Variants in RAB11FIP4 observed in about 807,000 individuals in gnomAD.
The protein encoded by RAB11FIP4 is rab11 family-interacting protein 4.
In RAB11FIP4, 23 loss-of-function variants were observed where a neutral mutation model predicts 74.3. The observed-to-expected ratio is 0.31, with a 90% CI of 0.22 to 0.44. The LOEUF (loss-of-function observed/expected upper bound fraction) is 0.44, where lower values mean the gene tolerates loss of function less well. RAB11FIP4 is among the 20% of genes least tolerant of loss of function. RAB11FIP4 has a pLI of 1.00. For synonymous variants in RAB11FIP4, 360 were observed against 359.9 expected (o/e 1.00, Z 0.00); for missense variants, 630 against 863.9 (o/e 0.73, Z 3.39).
intron 3 of RAB11FIP4, among the ~76,000 whole-genome samples, chr17:31,493,175 TA>T (rs2072044279): frequency 6.6e-6 from 1 of 152,074 alleles, no homozygotes; most frequent in Non-Finnish European, 1.5e-5. Context: ...GTCACATTTT[TA>T]ATTGATCTAA....
chr17:31,505,863 G>A (rs2072338882), intron 3 of RAB11FIP4, among the ~76,000 whole-genome samples: 1 of 147,706 alleles, frequency 6.8e-6, no homozygotes, highest in Non-Finnish European at 1.5e-5. Flanking sequence ...GCACCACCTG[G>A]CTATTCTTTT....
chr17:31,437,128 A>G (rs2071366475), intron 3 of RAB11FIP4, among the ~76,000 whole-genome samples: 1 of 152,170 alleles, frequency 6.6e-6, no homozygotes, highest in Admixed American at 6.5e-5. Flanking sequence ...TTGGTTGGCC[A>G]GAGCCTAGTG....
intron 3 of RAB11FIP4, among the ~76,000 whole-genome samples, chr17:31,477,215 C>A (rs2071802224): frequency 6.6e-6 from 1 of 152,250 alleles, no homozygotes; most frequent in Non-Finnish European, 1.5e-5. Context: ...CCAGAACAGA[C>A]TCAGAGTCGT....
chr17:31,511,358 T>C (rs1045815354), intron 3 of RAB11FIP4, among the ~76,000 whole-genome samples: 6 of 152,210 alleles, frequency 3.9e-5, no homozygotes, highest in Admixed American at 2.0e-4. Flanking sequence ...TCCCTCCCCG[T>C]GTTTACATCA....
Position 31,532,039 on chromosome 17 carries a change from C to T in RAB11FIP4, c.*307C>T. Reference sequence around the variant, plus strand: ...TCAGGAGTTACTGTAAAAACAAGAACTGGAAGCTCGTGTTTCCGGTACTGG... The same window carrying T: ...TCAGGAGTTACTGTAAAAACAAGAATTGGAAGCTCGTGTTTCCGGTACTGG... On this transcript the variant is annotated 3_prime_UTR_variant, in exon 15 of 15. Coordinates refer to ENST00000621161, the MANE Select transcript of RAB11FIP4 (RefSeq NM_032932.6). The T allele has an allele frequency of 3.4e-6, 1 of 292,474 alleles. No individual in the cohort carries two copies. Among genetic ancestry groups the T allele is most frequent in the African/African-American group, 2.1e-5 (1 of 47,080 alleles). 18.1% of individuals were successfully genotyped at this position (292,474 alleles called of 1,614,324 possible). A position where few individuals can be genotyped will look rare whatever the true frequency, so the allele number is the denominator to read the frequency against.
rs532252698 is a variant in RAB11FIP4, at chr17:31,520,687, C to T, written c.564-479C>T. ...CACGCCCGGCTAATTTTTTGTATTT[C>T]TAGTAGAGTTGGGGTTTCACCATGT... On this transcript the variant is annotated intron_variant, in intron 4 of 14. Transcript: ENST00000621161. 3.1e-3 allele frequency among the ~76,000 whole-genome samples: 467 copies of T among 152,060 alleles called. 2 individuals carry two copies. Among genetic ancestry groups the T allele is most frequent in the Middle Eastern group, 0.014 (4 of 294 alleles).
At chr17:31,527,399 T>C (rs1409943270) in intron 10 of RAB11FIP4, 1 of 155,734 alleles carries the variant, frequency 6.4e-6, no homozygotes, top group Non-Finnish European at 1.4e-5. Context: ...CAGGAGTTTT[T>C]GAGACCAGCC....
At chr17:31,395,982 C>G (rs731758) in intron 1 of RAB11FIP4, among the ~76,000 whole-genome samples, 91,487 of 151,534 alleles carry the variant, frequency 0.6, 27,878 homozygotes, top group Middle Eastern at 0.64. Context: ...AGGAGTTCCA[C>G]ACCAGCCTGG....
intron 3 of RAB11FIP4, among the ~76,000 whole-genome samples, chr17:31,517,433 A>G (rs1392502789): frequency 6.6e-6 from 1 of 151,852 alleles, no homozygotes; most frequent in African/African-American, 2.4e-5. Context: ...TGTTCCTGGG[A>G]GTTCTAGCTC....
intron 3 of RAB11FIP4, among the ~76,000 whole-genome samples, chr17:31,464,285 C>T (rs940856538): frequency 6.6e-5 from 10 of 151,642 alleles, no homozygotes; most frequent in South Asian, 2.1e-4. Flanking sequence ...TGGTGGCATT[C>T]TTCCCATCTC....
rs144274743 is a variant in RAB11FIP4, at chr17:31,534,915, G to A, written c.*3183G>A. 6 of 154,324 alleles carry A rather than the reference G, an allele frequency of 3.9e-5. No homozygotes were observed. Among genetic ancestry groups the A allele is most frequent in the Middle Eastern group, 1.0e-3 (2 of 1,948 alleles). The allele number at this position is 154,324 out of a possible 1,614,324, so 9.6% of individuals were successfully genotyped here. On this transcript the variant is annotated 3_prime_UTR_variant, in exon 15 of 15. Transcript: ENST00000621161. ...ATGAACTGAACCAGGAGTGAGCTTC[G>A]TGTACATTATCTATTAGAAAATGAA...
chr17:31,476,171 A>ATTTTTT (rs2071790111), intron 3 of RAB11FIP4, among the ~76,000 whole-genome samples: 2 of 99,922 alleles, frequency 2.0e-5, no homozygotes, highest in African/African-American at 8.4e-5. Context: ...AATCGACTGA[A>ATTTTTT]CTTTTTTTTT....
At chr17:31,484,396 A>AG (rs796371594) in intron 3 of RAB11FIP4, among the ~76,000 whole-genome samples, 1 of 151,820 alleles carries the variant, frequency 6.6e-6, no homozygotes, top group African/African-American at 2.4e-5. Flanking sequence ...AAAAAAAAAA[A>AG]GGAACCTCAC....
intron 5 of RAB11FIP4, among the ~76,000 whole-genome samples, 190 bp downstream of exon 5, chr17:31,521,550 A>C (rs979077911): frequency 5.3e-5 from 8 of 151,878 alleles, no homozygotes. Context: ...TTCCTCCTGA[A>C]TTAACTGACC....
chr17:31,436,763 TG>T (rs1455744790), intron 3 of RAB11FIP4, among the ~76,000 whole-genome samples: 3 of 36,032 alleles, frequency 8.3e-5, no homozygotes, highest in African/African-American at 3.4e-4. Flanking sequence ...GTTTTTTTTT[TG>T]TTTTTTTTTG....
chr17:31,392,436 G>C (rs1315696692), intron 1 of RAB11FIP4: 1 of 154,020 alleles, frequency 6.5e-6, no homozygotes, highest in Non-Finnish European at 1.4e-5. Flanking sequence ...GAAAGGGACC[G>C]GTAGGGGTGC....
chr17:31,447,121 A>G (rs949423710), intron 3 of RAB11FIP4, among the ~76,000 whole-genome samples: 2 of 152,188 alleles, frequency 1.3e-5, no homozygotes, highest in African/African-American at 4.8e-5. Context: ...CGTCTCCACT[A>G]AAAATACAAA....
intron 1 of RAB11FIP4, among the ~76,000 whole-genome samples, chr17:31,411,963 A>T (rs2071101161): frequency 6.6e-6 from 1 of 152,244 alleles, no homozygotes; most frequent in Non-Finnish European, 1.5e-5. Context: ...GGAGGGCCGC[A>T]GCCAGGCTGG....
At chr17:31,424,778 T>C (rs2071232330) in intron 1 of RAB11FIP4, among the ~76,000 whole-genome samples, 1 of 152,108 alleles carries the variant, frequency 6.6e-6, no homozygotes, top group Non-Finnish European at 1.5e-5. Context: ...GGTTTCACCA[T>C]GTTGGCCAGG....
Sources: allele counts gnomAD v4.1 joint callset (sites outside exome capture counted in the v4.1 genomes callset), GRCh38; gene constraint gnomAD v4.1.1; transcripts MANE v1.5; gene names NCBI Gene and HGNC (gene_info 2026-07-23, HGNC 2026-07-21).